CDH13: variants seen among roughly 807,000 people sequenced by gnomAD.
CDH13 encodes the protein cadherin-13.
A neutral mutation model predicts 63.8 loss-of-function variants in CDH13; 24 were observed. That is an observed-to-expected ratio of 0.38 (90% CI 0.27 to 0.53). The LOEUF is 0.53. Among genes scored for constraint, CDH13 ranks in the 20% least tolerant of loss-of-function variants. CDH13 has a pLI of 0.85. For missense variants in CDH13, 1,049 were observed against 903.1 expected (o/e 1.16, Z -2.07); for synonymous variants, 503 against 355.3 (o/e 1.42, Z -4.67).
At chr16:83,468,593 G>T (rs2073376687) in intron 6 of CDH13, among the ~76,000 whole-genome samples, 1 of 151,514 alleles carries the variant, frequency 6.6e-6, no homozygotes, top group South Asian at 2.1e-4. Flanking sequence ...CAGAAACCCA[G>T]CCACACTTGT....
chr16:83,440,451 G>A (rs2072447116), intron 6 of CDH13, among the ~76,000 whole-genome samples: 1 of 152,116 alleles, frequency 6.6e-6, no homozygotes, highest in Non-Finnish European at 1.5e-5. Context: ...GTCGTGGGGA[G>A]GAGGGGTCTC....
At chr16:83,433,298 A>C (rs986366341) in intron 6 of CDH13, among the ~76,000 whole-genome samples, 2 of 152,194 alleles carry the variant, frequency 1.3e-5, no homozygotes, top group African/African-American at 4.8e-5. Flanking sequence ...TCAACTGTAA[A>C]ATGAGGGAAA....
chr16:83,345,372 A>T (rs2090818222), intron 6 of CDH13, among the ~76,000 whole-genome samples: 1 of 151,766 alleles, frequency 6.6e-6, no homozygotes, highest in African/African-American at 2.4e-5. Flanking sequence ...CCCATTACAA[A>T]CTCCTCAGTT....
intron 2 of CDH13, among the ~76,000 whole-genome samples, chr16:83,016,502 C>G (rs1011649543): frequency 6.6e-6 from 1 of 152,136 alleles, no homozygotes; most frequent in African/African-American, 2.4e-5. Flanking sequence ...TCCAGATTAC[C>G]AAAGGGCAGG....
At chr16:83,103,112 C>T (rs1363831984) in intron 3 of CDH13, among the ~76,000 whole-genome samples, 1 of 151,212 alleles carries the variant, frequency 6.6e-6, no homozygotes, top group Non-Finnish European at 1.5e-5. Context: ...GCCACCACGC[C>T]CAGCTAATTT....
At chr16:83,468,411 C>T (rs532894562) in intron 6 of CDH13, among the ~76,000 whole-genome samples, 2 of 152,310 alleles carry the variant, frequency 1.3e-5, no homozygotes, top group South Asian at 2.1e-4. Context: ...CCAGGGAGCA[C>T]AGCCCCGCCC....
At chr16:83,226,401 A>G (rs2039840487) in intron 5 of CDH13, among the ~76,000 whole-genome samples, 1 of 152,046 alleles carries the variant, frequency 6.6e-6, no homozygotes, top group African/African-American at 2.4e-5. Flanking sequence ...ATTAGCACAA[A>G]CTCCTCAGAA....
intron 1 of CDH13, among the ~76,000 whole-genome samples, chr16:82,817,020 G>C (rs564549560): frequency 1.3e-5 from 2 of 152,094 alleles, no homozygotes; most frequent in African/African-American, 2.4e-5. Flanking sequence ...CTTAGGAGGA[G>C]ATATCTAAGC....
intron 2 of CDH13, among the ~76,000 whole-genome samples, chr16:82,869,272 C>G (rs1054643677): frequency 3.3e-5 from 5 of 152,050 alleles, no homozygotes; most frequent in African/African-American, 1.2e-4. Context: ...TCTTGAACTC[C>G]TGGCCTCAAA....
intron 6 of CDH13, among the ~76,000 whole-genome samples, chr16:83,485,539 AC>A (rs2073866412): frequency 6.6e-6 from 1 of 152,298 alleles, no homozygotes; most frequent in African/African-American, 2.4e-5. Flanking sequence ...TAGTAGGTAC[AC>A]ATTAGTGTTT....
At chr16:83,532,214 T>A (rs541044449) in intron 7 of CDH13, among the ~76,000 whole-genome samples, 162 of 152,308 alleles carry the variant, frequency 1.1e-3, no homozygotes, top group Non-Finnish European at 1.9e-3. Flanking sequence ...TTTTGCATAT[T>A]GCCCAGTCTC....
intron 6 of CDH13, among the ~76,000 whole-genome samples, chr16:83,462,108 A>G (rs73601958): frequency 0.011 from 1,686 of 152,326 alleles, 19 homozygotes; most frequent in African/African-American, 0.038. Flanking sequence ...CAAGAGGGAA[A>G]CATGGGGCAG....
chr16:82,832,189 A>G (rs989279853), intron 1 of CDH13, among the ~76,000 whole-genome samples: 2 of 152,154 alleles, frequency 1.3e-5, no homozygotes, highest in Admixed American at 6.6e-5. Context: ...CGTATTGAAA[A>G]TAAGATTTGA....
At chr16:83,022,711 T>C (rs1320025987) in intron 2 of CDH13, among the ~76,000 whole-genome samples, 1 of 152,132 alleles carries the variant, frequency 6.6e-6, no homozygotes, top group East Asian at 1.9e-4. Context: ...CTTGCACACA[T>C]GTACAAGTGG....
At chr16:83,456,325 G>A (rs192495639) in intron 6 of CDH13, among the ~76,000 whole-genome samples, 152 of 152,352 alleles carry the variant, frequency 1.0e-3, no homozygotes, top group Non-Finnish European at 1.8e-4. Context: ...GAAAGGGACT[G>A]GTTGAGCACA....
In CDH13 at chr16:82,700,421, G is replaced by A. The variant is rs556812555; in HGVS notation, c.45+73284G>A. ...GTATCCCCACCAGTGAAGAGTTACC[G>A]TGTATGTGTATAATGTACATAAGTG... On this transcript the variant is annotated intron_variant, in intron 1 of 13. Transcript: ENST00000567109. Among the ~76,000 whole-genome samples, 6 of 152,244 alleles carry A rather than the reference G, an allele frequency of 3.9e-5. No homozygotes were observed. In the East Asian group the frequency reaches 7.7e-4, roughly 20 times the overall value.
chr16:82,893,559 G>C (rs1366899550), intron 2 of CDH13, among the ~76,000 whole-genome samples: 2 of 152,174 alleles, frequency 1.3e-5, no homozygotes. Context: ...TGATGAAATG[G>C]CTTTCTGTTT....
rs374808865 is a variant in CDH13, at chr16:83,092,642, A to T, written c.367-32743A>T. ...TCTTTCTTTGCCGCTTTAAAGGGAA[A>T]ACTGCTATCCCTCTTATTGGCTGTA... On this transcript the variant is annotated intron_variant, in intron 3 of 13. Transcript: ENST00000567109. Among the ~76,000 whole-genome samples the T allele has an allele frequency of 2.6e-5, 4 of 152,150 alleles. No individual in the cohort carries two copies. The East Asian group carries it at 7.7e-4, about 29-fold the overall frequency.
At chr16:83,563,771 C>G (rs867871462) in intron 7 of CDH13, among the ~76,000 whole-genome samples, 1 of 152,136 alleles carries the variant, frequency 6.6e-6, no homozygotes, top group African/African-American at 2.4e-5. Flanking sequence ...ACCAAAGCCT[C>G]CTGCCCTATT....
Sources: allele counts gnomAD v4.1 joint callset (sites outside exome capture counted in the v4.1 genomes callset), GRCh38; gene constraint gnomAD v4.1.1; transcripts MANE v1.5; gene names NCBI Gene and HGNC (gene_info 2026-07-23, HGNC 2026-07-21).